Variants in RCHY1 observed in about 807,000 individuals in gnomAD.
RCHY1 encodes the protein ring finger and CHY zinc finger domain containing 1, also known as RING finger and CHY zinc finger domain-containing protein 1.
RCHY1 carries 21 observed loss-of-function variants against 41.6 expected under a neutral mutation model. The ratio of observed to expected loss-of-function variants is 0.51; its 90% CI spans 0.36 to 0.73. The LOEUF is 0.73. Ranked by LOEUF, RCHY1 falls within the 30% of genes least tolerant of loss-of-function variation. The probability of loss-of-function intolerance (pLI) is 0.00; values close to 1 mark genes in which losing one functional copy is unlikely to be tolerated. For synonymous variants in RCHY1, 79 were observed against 102.9 expected (o/e 0.77, Z 1.41); for missense variants, 265 against 325.3 (o/e 0.81, Z 1.43).
intron 1 of RCHY1, chr4:75,509,545 G>C: frequency 2.8e-6 from 1 of 361,236 alleles, no homozygotes; most frequent in Non-Finnish European, 5.1e-6. Flanking sequence ...GAATTATGAA[G>C]GAAATCCCTA....
In RCHY1 at chr4:75,508,913, C is replaced by G. The variant is rs576198915; in HGVS notation, c.233G>C (p.Cys78Ser). ...IQHAQQTCEE[C>S]STLFGEYYCD... ...ATAATATTCTCCAAACAATGTGCTACATTCTTCACAAGTCTGTTGGGCCTA... is the reference window on the plus strand; with the variant it reads ...ATAATATTCTCCAAACAATGTGCTAGATTCTTCACAAGTCTGTTGGGCCTA... Residue 78 changes from cysteine (C) to serine (S), a missense_variant, in exon 3 of 9, where the codon TGT (cysteine) becomes TCT (serine). Transcript: ENST00000324439. 1.9e-6 allele frequency: 3 copies of G among 1,606,918 alleles called. No homozygotes were observed. In the African/African-American group the frequency reaches 4.0e-5, roughly 22 times the overall value.
At chr4:75,508,369 G>A (rs543277866) in intron 3 of RCHY1, among the ~76,000 whole-genome samples, 2 of 152,044 alleles carry the variant, frequency 1.3e-5, no homozygotes, top group Admixed American at 6.6e-5. Flanking sequence ...CTTGTCTGTG[G>A]TTAGGCTCTG....
intron 8 of RCHY1, among the ~76,000 whole-genome samples, chr4:75,489,146 A>G (rs1722515501): frequency 6.6e-6 from 1 of 152,128 alleles, no homozygotes; most frequent in Admixed American, 6.6e-5. Context: ...CAAATTTTAC[A>G]TGTATATATA....
upstream of RCHY1, chr4:75,514,454 A>G: frequency 4.2e-6 from 3 of 714,332 alleles, no homozygotes; most frequent in Non-Finnish European, 6.6e-6. Flanking sequence ...TCCCGGGGCT[A>G]CGAGGCGGAA....
chr4:75,486,624 T>A (rs958403847), intron 8 of RCHY1, among the ~76,000 whole-genome samples: 1 of 152,116 alleles, frequency 6.6e-6, no homozygotes, highest in Non-Finnish European at 1.5e-5. Context: ...TAATTAAAAC[T>A]ACTAGATGTA....
chr4:75,505,677 A>T (rs1352775583), intron 3 of RCHY1, among the ~76,000 whole-genome samples: 1 of 152,216 alleles, frequency 6.6e-6, no homozygotes, highest in African/African-American at 2.4e-5. Context: ...CATATATTGT[A>T]ACTTCTACTT....
rs757499951 is a variant in RCHY1, at chr4:75,514,247, C to T, written c.40G>A (p.Glu14Lys). Residue 14 changes from glutamate (E) to lysine (K), a missense_variant, in exon 1 of 9, where the codon GAG becomes AAG. Coordinates refer to ENST00000324439, the MANE Select transcript of RCHY1 (RefSeq NM_015436.4). The part of the protein sequence containing the change: ...TAREDGASGQ[E>K]RGQRGCEHYD... ...TGCTCGCAGCCCCGCTGACCTCGCT[C>T]TTGACCGCTGGCGCCATCTTCCCGG... 6.2e-7 allele frequency: 1 copy of T among 1,613,094 alleles called. No homozygotes were observed. Among genetic ancestry groups the T allele is most frequent in the Non-Finnish European group, 8.5e-7 (1 of 1,179,096 alleles).
chr4:75,500,172 AC>A (rs1177771509), intron 3 of RCHY1, among the ~76,000 whole-genome samples: 1 of 152,168 alleles, frequency 6.6e-6, no homozygotes, highest in Non-Finnish European at 1.5e-5. Context: ...GTAATGGATA[AC>A]CCAATTAGCC....
At chr4:75,509,676 C>CT (rs1433722802) in intron 1 of RCHY1, 1 of 176,804 alleles carries the variant, frequency 5.7e-6, no homozygotes, top group Admixed American at 5.7e-5. Flanking sequence ...AAGGAGGTAA[C>CT]TGAATCATGG....
intron 8 of RCHY1, among the ~76,000 whole-genome samples, chr4:75,485,789 A>G (rs1403343282): frequency 6.6e-6 from 1 of 152,224 alleles, no homozygotes; most frequent in Non-Finnish European, 1.5e-5. Context: ...ATCCTTTAGG[A>G]AAGCTCTAAG....
chr4:75,507,233 G>A (rs1724409924), intron 3 of RCHY1, among the ~76,000 whole-genome samples: 1 of 151,924 alleles, frequency 6.6e-6, no homozygotes, highest in Non-Finnish European at 1.5e-5. Context: ...AACAACAATA[G>A]CATATAAAGA....
intron 8 of RCHY1, among the ~76,000 whole-genome samples, chr4:75,483,289 A>G (rs1454267987): frequency 2.0e-5 from 3 of 152,236 alleles, no homozygotes; most frequent in Non-Finnish European, 2.9e-5. Context: ...AAATCAATAC[A>G]TTACTATGCA....
intron 3 of RCHY1, among the ~76,000 whole-genome samples, chr4:75,506,702 T>C (rs1246533897): frequency 6.8e-6 from 1 of 147,948 alleles, no homozygotes; most frequent in East Asian, 2.0e-4. Context: ...TCAGAAGAGG[T>C]GGGAAAACGG....
chr4:75,497,272 G>A (rs1206751051), intron 3 of RCHY1, among the ~76,000 whole-genome samples: 2 of 152,108 alleles, frequency 1.3e-5, no homozygotes, highest in Non-Finnish European at 2.9e-5. Flanking sequence ...TTTTAAGATC[G>A]TCCTAAAAGG....
intron 8 of RCHY1, among the ~76,000 whole-genome samples, chr4:75,487,171 T>G (rs1395858427): frequency 2.0e-5 from 3 of 152,216 alleles, no homozygotes; most frequent in Admixed American, 6.5e-5. Context: ...CAAGGTTTTA[T>G]TAAAATTCGC....
intron 8 of RCHY1, among the ~76,000 whole-genome samples, chr4:75,485,301 G>GTAACTAATTA (rs1478884560): frequency 6.6e-6 from 1 of 152,190 alleles, no homozygotes; most frequent in African/African-American, 2.4e-5. Context: ...TTTTAGCTAA[G>GTAACTAATTA]AAACAGTAGT....
intron 3 of RCHY1, among the ~76,000 whole-genome samples, chr4:75,505,779 T>C (rs894024140): frequency 1.3e-5 from 2 of 152,154 alleles, no homozygotes; most frequent in Middle Eastern, 3.4e-3. Flanking sequence ...TGTTTAAAAG[T>C]AGTAAAGAGC....
intron 3 of RCHY1, among the ~76,000 whole-genome samples, chr4:75,503,615 C>T (rs1724009388): frequency 6.6e-6 from 1 of 151,888 alleles, no homozygotes; most frequent in Admixed American, 6.6e-5. Flanking sequence ...TTGCTTGAAC[C>T]CAGGAGGCAG....
At position 75,487,852 on chromosome 4, in the gene RCHY1, AAT is replaced by A. The variant is rs1235989484; in HGVS notation, c.657+2727_657+2728del. On this transcript the variant is annotated intron_variant, in intron 8 of 8. Transcript: ENST00000324439. ...ATATATATTCATAATATATATTCAT[AAT>A]ATATATATTCATAATATATATTCAT... 4.6e-4 allele frequency among the ~76,000 whole-genome samples: 39 copies of A among 84,040 alleles called. 2 individuals are homozygous for A. The highest frequency in any genetic ancestry group is 1.3e-3 in the African/African-American group (33 of 25,224). The allele number at this position is 84,040 out of a possible 152,430, so 55.1% of individuals were successfully genotyped here.
Sources: allele counts gnomAD v4.1 joint callset (sites outside exome capture counted in the v4.1 genomes callset), GRCh38; gene constraint gnomAD v4.1.1; transcripts MANE v1.5; gene names NCBI Gene and HGNC (gene_info 2026-07-23, HGNC 2026-07-21).